FDX1: variants seen among roughly 807,000 people sequenced by gnomAD.
The protein encoded by FDX1 is ferredoxin 1.
In FDX1, 9 loss-of-function variants were observed where a neutral mutation model predicts 14.9. The ratio of observed to expected loss-of-function variants is 0.60; its 90% CI spans 0.36 to 1.05. The LOEUF is 1.05. FDX1 is among the 50% of genes least tolerant of loss of function. FDX1 has a pLI of 0.01. For synonymous variants in FDX1, 92 were observed against 99.4 expected (o/e 0.93, Z 0.44); for missense variants, 204 against 237.2 (o/e 0.86, Z 0.92).
intron 2 of FDX1, among the ~76,000 whole-genome samples, chr11:110,436,225 G>A (rs777832214): frequency 6.6e-6 from 1 of 152,036 alleles, no homozygotes; most frequent in Non-Finnish European, 1.5e-5. Flanking sequence ...CAAAGCCGAC[G>A]GTAGGGAGTA....
At chr11:110,453,442 A>G (rs1056834731) in intron 2 of FDX1, among the ~76,000 whole-genome samples, 1 of 151,480 alleles carries the variant, frequency 6.6e-6, no homozygotes. Context: ...GCAATATTTT[A>G]TGAGATAAAG....
chr11:110,435,605 T>C (rs10891105), intron 1 of FDX1, among the ~76,000 whole-genome samples: 64,409 of 151,878 alleles, frequency 0.42, 13,909 homozygotes, highest in East Asian at 0.62. Context: ...CTCAGAGTTT[T>C]AGGAGGCCAA....
chr11:110,441,439 A>G (rs1395071381), intron 2 of FDX1, among the ~76,000 whole-genome samples: 3 of 152,222 alleles, frequency 2.0e-5, no homozygotes, highest in African/African-American at 7.2e-5. Context: ...GATATGGACA[A>G]TGAAATTCAG....
rs1250247419 is a variant in FDX1 at position 110,464,545 on chromosome 11, G to A, written c.*2077G>A. 6.6e-6 allele frequency: 1 copy of A among 152,164 alleles called. No individual in the cohort carries two copies. Among genetic ancestry groups the A allele is most frequent in the African/African-American group, 2.4e-5 (1 of 41,420 alleles). 9.4% of individuals were successfully genotyped at this position (152,164 alleles called of 1,614,324 possible). A position where few individuals can be genotyped will look rare whatever the true frequency, so the allele number is the denominator to read the frequency against. ...ATTCATGAGGTCTCTGCTCTTAAAG[G>A]AGATCACCTCTTAAAGGACCCACCT... On this transcript the variant is annotated 3_prime_UTR_variant, in exon 4 of 4. Transcript: ENST00000260270.
At chr11:110,455,544 C>A (rs550819400) in intron 2 of FDX1, among the ~76,000 whole-genome samples, 5 of 152,254 alleles carry the variant, frequency 3.3e-5, no homozygotes, top group African/African-American at 1.2e-4. Context: ...TAAAAACAAA[C>A]CCGAATCACT....
intron 2 of FDX1, among the ~76,000 whole-genome samples, chr11:110,453,522 C>CT (rs1946500347): frequency 6.8e-6 from 1 of 146,454 alleles, no homozygotes; most frequent in African/African-American, 2.5e-5. Flanking sequence ...GTTTTAGGCT[C>CT]TTTTTTATAC....
intron 2 of FDX1, among the ~76,000 whole-genome samples, chr11:110,456,509 C>CTTTTTTTTTTTTTT (rs11463993): frequency 1.6e-4 from 13 of 83,802 alleles, no homozygotes; most frequent in African/African-American, 3.9e-4. Context: ...TTTATGTATT[C>CTTTTTTTTTTTTTT]TTTTTTTTTT....
chr11:110,430,670 C>G (rs1449426908), intron 1 of FDX1, among the ~76,000 whole-genome samples: 1 of 152,178 alleles, frequency 6.6e-6, no homozygotes, highest in African/African-American at 2.4e-5. Flanking sequence ...TTGCTCTGCC[C>G]GAAACTGGCA....
chr11:110,434,725 G>GTTTTTTTTTTTTTT (rs56907322), intron 1 of FDX1, among the ~76,000 whole-genome samples: 3 of 105,704 alleles, frequency 2.8e-5, no homozygotes, highest in Non-Finnish European at 3.9e-5. Flanking sequence ...GACTTTTTTT[G>GTTTTTTTTTTTTTT]TTTTTTTTTT....
intron 1 of FDX1, among the ~76,000 whole-genome samples, chr11:110,433,132 A>G (rs1306733375): frequency 6.6e-6 from 1 of 152,252 alleles, no homozygotes; most frequent in East Asian, 1.9e-4. Flanking sequence ...TCAGAAGAAC[A>G]GCAACGCTGA....
rs1213892340 is a variant in FDX1 at position 110,430,036 on chromosome 11, G to A, written c.-85G>A. ...GCCGCGGCCCTCGGGCGTCTGCGCC[G>A]CAGCTGCCGCCCCCGCCTCTTTGGA... is the stretch of plus-strand genomic sequence containing the variant. On this transcript the variant is annotated 5_prime_UTR_variant, in exon 1 of 4. Coordinates refer to ENST00000260270, the MANE Select transcript of FDX1 (RefSeq NM_004109.5). The A allele has an allele frequency of 2.0e-6, 2 of 1,019,168 alleles. No homozygotes were observed. Among genetic ancestry groups the A allele is most frequent in the Non-Finnish European group, 2.5e-6 (2 of 804,074 alleles). 63.1% of individuals were successfully genotyped at this position (1,019,168 alleles called of 1,614,324 possible).
At chr11:110,434,259 T>TA (rs1946351450) in intron 1 of FDX1, among the ~76,000 whole-genome samples, 1 of 151,486 alleles carries the variant, frequency 6.6e-6, no homozygotes, top group South Asian at 2.1e-4. Context: ...AGATGTCAAA[T>TA]ACGCAGAAAA....
At chr11:110,445,405 G>GT (rs71057009) in intron 2 of FDX1, among the ~76,000 whole-genome samples, 40 of 151,780 alleles carry the variant, frequency 2.6e-4, no homozygotes, top group East Asian at 1.2e-3. Context: ...TTACAGTACA[G>GT]TTTTTTTTAA....
intron 3 of FDX1, among the ~76,000 whole-genome samples, chr11:110,461,050 A>G (rs977893952): frequency 2.0e-5 from 3 of 152,214 alleles, no homozygotes; most frequent in Non-Finnish European, 4.4e-5. Flanking sequence ...TGTCAATTGT[A>G]AGATTAACAT....
chr11:110,452,521 A>G (rs1946493085), intron 2 of FDX1, among the ~76,000 whole-genome samples: 1 of 152,166 alleles, frequency 6.6e-6, no homozygotes, highest in South Asian at 2.1e-4. Flanking sequence ...TGTATGTGTG[A>G]ATGAGTTTGT....
intron 1 of FDX1, among the ~76,000 whole-genome samples, chr11:110,434,529 C>T (rs545729756): frequency 6.6e-6 from 1 of 151,850 alleles, no homozygotes; most frequent in East Asian, 1.9e-4. Context: ...GACGGGGTTT[C>T]GCCATGTTGG....
chr11:110,446,763 G>A (rs767201944), intron 2 of FDX1, among the ~76,000 whole-genome samples: 4 of 152,148 alleles, frequency 2.6e-5, no homozygotes, highest in African/African-American at 4.8e-5. Context: ...CCCTACAGTC[G>A]GCACGAGGGG....
intron 3 of FDX1, among the ~76,000 whole-genome samples, chr11:110,458,837 C>G (rs1446462101): frequency 6.6e-6 from 1 of 152,134 alleles, no homozygotes; most frequent in Non-Finnish European, 1.5e-5. Flanking sequence ...GAACTCCTGA[C>G]CTCATGATCT....
At chr11:110,447,602 A>G (rs1358694761) in intron 2 of FDX1, among the ~76,000 whole-genome samples, 1 of 151,806 alleles carries the variant, frequency 6.6e-6, no homozygotes, top group Non-Finnish European at 1.5e-5. Context: ...CACTTTGGTG[A>G]TACTGGCCTT....
Sources: allele counts gnomAD v4.1 joint callset (sites outside exome capture counted in the v4.1 genomes callset), GRCh38; gene constraint gnomAD v4.1.1; transcripts MANE v1.5; gene names NCBI Gene and HGNC (gene_info 2026-07-23, HGNC 2026-07-21).